The following AK5 variants were observed in gnomAD, a reference collection of about 807,000 sequenced individuals.
AK5 encodes the protein adenylate kinase isoenzyme 5.
In AK5, 27 loss-of-function variants were observed where a neutral mutation model predicts 69.5. The observed-to-expected ratio is 0.39, with a 90% confidence interval of 0.29 to 0.54. AK5 has a LOEUF of 0.54. Among genes scored for constraint, AK5 ranks in the 20% least tolerant of loss-of-function variants. The probability of loss-of-function intolerance (pLI) is 0.71; values close to 1 mark genes in which losing one functional copy is unlikely to be tolerated. For missense variants in AK5, 531 were observed against 700.4 expected (o/e 0.76, Z 2.73); for synonymous variants, 260 against 244.4 (o/e 1.06, Z -0.60).
intron 3 of AK5, among the ~76,000 whole-genome samples, chr1:77,296,281 C>A (rs1213776226): frequency 6.6e-6 from 1 of 152,066 alleles, no homozygotes; most frequent in African/African-American, 2.4e-5. Flanking sequence ...TTAACGTAAT[C>A]ATAAAATTTC....
At chr1:77,283,343 C>G (rs902916290) in intron 1 of AK5, 5 of 985,270 alleles carry the variant, frequency 5.1e-6, no homozygotes, top group African/African-American at 1.7e-5. Flanking sequence ...TAAGCGAGCT[C>G]TGAAAGGAGA....
intron 6 of AK5, among the ~76,000 whole-genome samples, chr1:77,376,072 C>G (rs1238426862): frequency 1.3e-5 from 2 of 152,240 alleles, no homozygotes; most frequent in East Asian, 3.9e-4. Flanking sequence ...GTTTCTTATG[C>G]AAAATACAGC....
rs11583478 is a variant in AK5, at chr1:77,367,579, A to G, written c.891+27011A>G. Among the ~76,000 whole-genome samples the G allele has an allele frequency of 3.6e-4, 19 of 53,396 alleles. 4 individuals are homozygous for G. The South Asian group carries it at 5.2e-3, about 15-fold the overall frequency. The allele number at this position is 53,396 out of a possible 152,430, so 35.0% of individuals were successfully genotyped here. On this transcript the variant is annotated intron_variant, in intron 6 of 13. Transcript: ENST00000354567. Reference sequence around the variant, plus strand: ...TTTTTATATATATATATATATATATAATATATATGTTATATATGTAATATA... The same window carrying G: ...TTTTTATATATATATATATATATATGATATATATGTTATATATGTAATATA...
chr1:77,450,960 G>A (rs1653106881), intron 8 of AK5, among the ~76,000 whole-genome samples: 1 of 152,112 alleles, frequency 6.6e-6, no homozygotes, highest in Non-Finnish European at 1.5e-5. Flanking sequence ...AGTATCATTT[G>A]AGCCCAGGAG....
At chr1:77,484,119 T>G (rs1655438265) in intron 9 of AK5, among the ~76,000 whole-genome samples, 1 of 150,726 alleles carries the variant, frequency 6.6e-6, no homozygotes, top group Admixed American at 6.7e-5. Context: ...GAGCCAAGTT[T>G]GCGTCATTGC....
intron 8 of AK5, among the ~76,000 whole-genome samples, chr1:77,458,610 C>T (rs1455710516): frequency 6.6e-6 from 1 of 152,128 alleles, no homozygotes; most frequent in African/African-American, 2.4e-5. Flanking sequence ...TGGCAGCAGG[C>T]AAAGAGAGAG....
chr1:77,343,169 T>A (rs1661744131), intron 6 of AK5, among the ~76,000 whole-genome samples: 1 of 152,202 alleles, frequency 6.6e-6, no homozygotes, highest in Non-Finnish European at 1.5e-5. Context: ...CTCACATATG[T>A]CATGCACTGT....
At chr1:77,480,833 C>A (rs1241658484) in intron 8 of AK5, among the ~76,000 whole-genome samples, 1 of 152,176 alleles carries the variant, frequency 6.6e-6, no homozygotes, top group Non-Finnish European at 1.5e-5. Context: ...CCTCAAGGTC[C>A]CTGTCTTGAG....
chr1:77,443,376 A>G (rs145105018), intron 8 of AK5, among the ~76,000 whole-genome samples: 102 of 152,302 alleles, frequency 6.7e-4, no homozygotes, highest in African/African-American at 2.3e-3. Flanking sequence ...CCAGATAGAC[A>G]TGGATCAAAT....
chr1:77,323,570 G>A lies in AK5; in HGVS notation c.700-16807G>A, dbSNP rs114073852. ...CTCAATATTTACTGAATGAATGATC[G>A]AAATGAACGAGCAAATGAATAATTA... is the stretch of plus-strand genomic sequence containing the variant. On this transcript the variant is annotated intron_variant, in intron 5 of 13. Coordinates refer to ENST00000354567, the MANE Select transcript of AK5 (RefSeq NM_174858.3). 6.2e-3 allele frequency among the ~76,000 whole-genome samples: 946 copies of A among 152,152 alleles called. 9 individuals are homozygous for A. Among genetic ancestry groups the A allele is most frequent in the African/African-American group, 0.021 (877 of 41,516 alleles).
intron 6 of AK5, among the ~76,000 whole-genome samples, chr1:77,362,748 T>C (rs1174415215): frequency 6.6e-6 from 1 of 152,170 alleles, no homozygotes; most frequent in Non-Finnish European, 1.5e-5. Context: ...CATGTTTATA[T>C]GTGTCAAATT....
chr1:77,475,195 A>ATATATATG (rs1182380859), intron 8 of AK5, among the ~76,000 whole-genome samples: 660 of 28,850 alleles, frequency 0.023, 4 homozygotes, highest in African/African-American at 0.065. Context: ...ATATATATAT[A>ATATATATG]TGTGTGTGTG....
chr1:77,426,340 C>T (rs1242228406), intron 8 of AK5, among the ~76,000 whole-genome samples: 1 of 152,166 alleles, frequency 6.6e-6, no homozygotes, highest in Admixed American at 6.5e-5. Context: ...ATATTAATTT[C>T]AGACAGAGCA....
intron 6 of AK5, among the ~76,000 whole-genome samples, chr1:77,341,983 C>G (rs1661679088): frequency 6.6e-6 from 1 of 152,140 alleles, no homozygotes; most frequent in South Asian, 2.1e-4. Context: ...ACTGCAACCT[C>G]CATCTCCTGG....
At chr1:77,357,590 A>G (rs1662601206) in intron 6 of AK5, among the ~76,000 whole-genome samples, 1 of 152,208 alleles carries the variant, frequency 6.6e-6, no homozygotes, top group Non-Finnish European at 1.5e-5. Context: ...GGAAGATGAT[A>G]GGTACCTGGT....
At chr1:77,527,870 A>G (rs1037483974) in intron 12 of AK5, among the ~76,000 whole-genome samples, 1 of 152,220 alleles carries the variant, frequency 6.6e-6, no homozygotes, top group African/African-American at 2.4e-5. Context: ...GACAAGCCAG[A>G]CTAACATGGC....
At chr1:77,532,256 C>A in intron 12 of AK5, 1 of 155,394 alleles carries the variant, frequency 6.4e-6, no homozygotes. Flanking sequence ...CGAGCGGGGG[C>A]TGTGAGGGCT....
intron 5 of AK5, among the ~76,000 whole-genome samples, chr1:77,311,201 C>G (rs977347305): frequency 6.6e-6 from 1 of 152,124 alleles, no homozygotes; most frequent in Non-Finnish European, 1.5e-5. Flanking sequence ...CAACTTAGAA[C>G]ATTCCTTTAC....
At chr1:77,554,231 T>C (rs745630806) in intron 13 of AK5, among the ~76,000 whole-genome samples, 1 of 152,122 alleles carries the variant, frequency 6.6e-6, no homozygotes, top group Non-Finnish European at 1.5e-5. Context: ...AAAATCTATG[T>C]GCTTTCAGAT....
Sources: allele counts gnomAD v4.1 joint callset (sites outside exome capture counted in the v4.1 genomes callset), GRCh38; gene constraint gnomAD v4.1.1; transcripts MANE v1.5; gene names NCBI Gene and HGNC (gene_info 2026-07-23, HGNC 2026-07-21).